ITSN1: variants seen among roughly 807,000 people sequenced by gnomAD.
The protein encoded by ITSN1 is intersectin-1.
Under a neutral mutation model 239.8 loss-of-function variants are expected in ITSN1, and 58 were observed. That is an observed-to-expected ratio of 0.24 (90% CI 0.20 to 0.30). The LOEUF is 0.30. Ranked by LOEUF, ITSN1 falls within the 10% of genes least tolerant of loss-of-function variation. The pLI is 1.00. For synonymous variants in ITSN1, 780 were observed against 770.8 expected (o/e 1.01, Z -0.20); for missense variants, 1,558 against 2,103.3 (o/e 0.74, Z 5.07).
chr21:33,751,213 A>G (rs2067527588), intron 6 of ITSN1, among the ~76,000 whole-genome samples: 1 of 152,214 alleles, frequency 6.6e-6, no homozygotes, highest in African/African-American at 2.4e-5. Context: ...TTCCAGGAGC[A>G]TAAGCAAATC....
chr21:33,812,004 G>A (rs1232294422), intron 21 of ITSN1, among the ~76,000 whole-genome samples: 3 of 152,176 alleles, frequency 2.0e-5, no homozygotes, highest in Admixed American at 1.3e-4. Context: ...GGATCAGATG[G>A]AACAAATAGA....
chr21:33,790,091 A>G (rs947576767), intron 16 of ITSN1, among the ~76,000 whole-genome samples: 2 of 152,136 alleles, frequency 1.3e-5, no homozygotes, highest in African/African-American at 4.8e-5. Context: ...TGCTTGATCA[A>G]AGACCCCTTG....
At chr21:33,709,793 A>C (rs2092359646) in intron 1 of ITSN1, among the ~76,000 whole-genome samples, 3 of 152,172 alleles carry the variant, frequency 2.0e-5, no homozygotes, top group Admixed American at 2.0e-4. Flanking sequence ...TTTTCTATAT[A>C]AATAGTGATA....
intron 1 of ITSN1, among the ~76,000 whole-genome samples, chr21:33,702,276 C>A (rs965517999): frequency 6.6e-6 from 1 of 151,824 alleles, no homozygotes; most frequent in Non-Finnish European, 1.5e-5. Context: ...ACCACCACAC[C>A]CAGCTAATTT....
rs948488581 is a variant in ITSN1 at position 33,895,648 on chromosome 21, TATGTGCGTGTATGC to T, written c.*7355_*7368del. 2 of 150,742 alleles carry T rather than the reference TATGTGCGTGTATGC, an allele frequency of 1.3e-5. No homozygotes were observed. The highest frequency in any genetic ancestry group is 4.9e-5 in the African/African-American group (2 of 40,570). 9.3% of individuals were successfully genotyped at this position (150,742 alleles called of 1,614,324 possible). On this transcript the variant is annotated 3_prime_UTR_variant, in exon 40 of 40. Transcript: ENST00000381318. ...GTGTGTGTGCGTGTGTGTGCGTGTG[TATGTGCGTGTATGC>T]ATGTGCATGTTTGTGTGTGCGTGCA...
chr21:33,661,286 A>T (rs183341767), intron 1 of ITSN1, among the ~76,000 whole-genome samples: 1 of 152,292 alleles, frequency 6.6e-6, no homozygotes, highest in African/African-American at 2.4e-5. Flanking sequence ...ATGATTGCAC[A>T]GTGATTTTCT....
chr21:33,885,261 G>C, intron 37 of ITSN1, 138 bp downstream of exon 37: 1 of 949,332 alleles, frequency 1.1e-6, no homozygotes, highest in Non-Finnish European at 1.6e-6. Flanking sequence ...TGAGCTTGGG[G>C]TGGGATGCAG....
At chr21:33,806,743 A>G (rs2072486842) in intron 20 of ITSN1, among the ~76,000 whole-genome samples, 1 of 152,238 alleles carries the variant, frequency 6.6e-6, no homozygotes, top group African/African-American at 2.4e-5. Context: ...TGTGCCTGAT[A>G]AATGAAATTG....
intron 8 of ITSN1, among the ~76,000 whole-genome samples, chr21:33,757,956 A>G (rs2068038036): frequency 6.6e-6 from 1 of 151,866 alleles, no homozygotes; most frequent in Non-Finnish European, 1.5e-5. Context: ...AGCTCACTGC[A>G]GCCTTGAACT....
intron 33 of ITSN1, among the ~76,000 whole-genome samples, chr21:33,872,295 A>T (rs951599460): frequency 6.6e-6 from 1 of 152,218 alleles, no homozygotes; most frequent in African/African-American, 2.4e-5. Context: ...GAAATATTGA[A>T]AAGTTGGAAG....
chr21:33,876,569 G>A (rs1239656364), intron 34 of ITSN1, among the ~76,000 whole-genome samples: 1 of 152,118 alleles, frequency 6.6e-6, no homozygotes, highest in Non-Finnish European at 1.5e-5. Context: ...TTGCTCAAAT[G>A]TTAATCCTTC....
intron 1 of ITSN1, among the ~76,000 whole-genome samples, chr21:33,647,499 T>C (rs962060251): frequency 6.6e-6 from 1 of 152,118 alleles, no homozygotes; most frequent in African/African-American, 2.4e-5. Flanking sequence ...GTTTTTTTTT[T>C]AATTTTTATT....
At chr21:33,835,678 C>T (rs2074559995) in intron 28 of ITSN1, among the ~76,000 whole-genome samples, 1 of 152,218 alleles carries the variant, frequency 6.6e-6, no homozygotes, top group African/African-American at 2.4e-5. Flanking sequence ...CGCCTGTAAT[C>T]CCAGCACTTT....
At chr21:33,843,754 G>A (rs764996171) in intron 29 of ITSN1, among the ~76,000 whole-genome samples, 2 of 152,182 alleles carry the variant, frequency 1.3e-5, no homozygotes, top group East Asian at 1.9e-4. Context: ...CTCAGAGCAC[G>A]GGTTCAAATC....
rs746611473 is a variant in ITSN1 at position 33,775,085 on chromosome 21, A to G, written c.1573A>G (p.Thr525Ala). ...TAGAGAGTTGAGAATTGCCGAAATC[A>G]CCCATCTACAGCAACAATTACAGGT... ...KSRELRIAEI[T>A]HLQQQLQESQ... Residue 525 changes from threonine (T) to alanine (A), a missense_variant, in exon 14 of 40, where the codon ACC becomes GCC. Physicochemically the swap from Thr to Ala is moderately conservative, Grantham distance 58 (BLOSUM62 0). Transcript: ENST00000381318. The G allele has an allele frequency of 3.7e-6, 6 of 1,613,536 alleles. No homozygotes were observed. Among genetic ancestry groups the G allele is most frequent in the Admixed American group, 3.3e-5 (2 of 59,880 alleles).
chr21:33,660,777 C>T (rs1314610981), intron 1 of ITSN1, among the ~76,000 whole-genome samples: 1 of 152,078 alleles, frequency 6.6e-6, no homozygotes, highest in Non-Finnish European at 1.5e-5. Flanking sequence ...AGTGTAGAAT[C>T]TGAAGTCATA....
intron 4 of ITSN1, among the ~76,000 whole-genome samples, chr21:33,729,557 T>C (rs1027343324): frequency 6.6e-6 from 1 of 152,066 alleles, no homozygotes; most frequent in African/African-American, 2.4e-5. Flanking sequence ...TTGCTAAAGT[T>C]AAGGACATGC....
Position 33,673,885 on chromosome 21 carries a change from T to TA in ITSN1, c.-33+31174dup, listed in dbSNP as rs1484066539. On this transcript the variant is annotated intron_variant, in intron 1 of 39. Coordinates refer to ENST00000381318, the MANE Select transcript of ITSN1 (RefSeq NM_003024.3). ...CTCCATCAGAGGTAAACAACTATGT[T>TA]AATTATTACATCAAACTTCTGTACA... Among the ~76,000 whole-genome samples the TA allele has an allele frequency of 5.3e-5, 8 of 152,374 alleles. No homozygotes were observed. In the East Asian group the frequency reaches 1.5e-3, roughly 29 times the overall value.
intron 1 of ITSN1, among the ~76,000 whole-genome samples, chr21:33,680,705 GC>G (rs1259279859): frequency 2.0e-5 from 3 of 151,566 alleles, no homozygotes; most frequent in African/African-American, 7.3e-5. Context: ...CTGAAGTCCT[GC>G]CCAGACTTTT....
Sources: allele counts gnomAD v4.1 joint callset (sites outside exome capture counted in the v4.1 genomes callset), GRCh38; gene constraint gnomAD v4.1.1; transcripts MANE v1.5; gene names NCBI Gene and HGNC (gene_info 2026-07-23, HGNC 2026-07-21).